SLC4A7: variants seen among roughly 807,000 people sequenced by gnomAD.
SLC4A7 encodes sodium bicarbonate cotransporter 3.
Under a neutral mutation model 137.6 loss-of-function variants are expected in SLC4A7, and 51 were observed. The ratio of observed to expected loss-of-function variants is 0.37; its 90% CI spans 0.30 to 0.47. The LOEUF is 0.47. SLC4A7 is among the 20% of genes least tolerant of loss of function. The pLI, the probability that SLC4A7 is intolerant of heterozygous loss-of-function variation, is 1.00. For missense variants in SLC4A7, 1,247 were observed against 1,525.4 expected (o/e 0.82, Z 3.04); for synonymous variants, 542 against 518.6 (o/e 1.05, Z -0.61).
In SLC4A7 at chr3:27,394,380, T is replaced by C. The variant is rs2051922053; in HGVS notation, c.3117+138A>G. On this transcript the variant is annotated intron_variant, in intron 20 of 25. Coordinates refer to ENST00000454389, the MANE Select transcript of SLC4A7 (RefSeq NM_001321103.2). Reference sequence around the variant, plus strand: ...AATGCTTGCTATACTAAAAACCTAATGAAATTATTTCCCAAGTAAACTGTG... The same window carrying C: ...AATGCTTGCTATACTAAAAACCTAACGAAATTATTTCCCAAGTAAACTGTG... The C allele has an allele frequency of 3.9e-6, 3 of 765,158 alleles. No homozygotes were observed. The Admixed American group carries it at 7.7e-5, about 20-fold the overall frequency. 47.4% of individuals were successfully genotyped at this position (765,158 alleles called of 1,614,324 possible). A position where few individuals can be genotyped will look rare whatever the true frequency, so the allele number is the denominator to read the frequency against.
At chr3:27,434,165 A>G in intron 5 of SLC4A7, 61 bp from the exon 6 acceptor site, 1 of 1,236,904 alleles carries the variant, frequency 8.1e-7, no homozygotes, top group Non-Finnish European at 1.1e-6. Context: ...ATAGGAATAA[A>G]CTGTGAGTGA....
intron 8 of SLC4A7, chr3:27,422,813 CACA>C: frequency 2.2e-6 from 1 of 456,094 alleles, no homozygotes; most frequent in Non-Finnish European, 4.4e-6. Context: ...CCCAGTGTGC[CACA>C]ACTACAGTGC....
At chr3:27,456,547 T>C in intron 1 of SLC4A7, 2 of 816,524 alleles carry the variant, frequency 2.4e-6, no homozygotes, top group East Asian at 4.9e-5. Flanking sequence ...ATGATACTAT[T>C]CTAAGCCAGT....
chr3:27,431,466 G>A lies in SLC4A7; in HGVS notation c.982C>T (p.Leu328=). The change falls in exon 7 of 26, where the codon CTG becomes TTG. Residue 328 remains leucine, a synonymous_variant. Coordinates refer to ENST00000454389, the MANE Select transcript of SLC4A7 (RefSeq NM_001321103.2). ...CTCTCTTGGGAACTTCTGGAGGTCA[G>A]GCGGCTGATGCTAGGGCTAGAAGGA... is the stretch of plus-strand genomic sequence containing the variant. ...SPPSSPSISR[L]TSRSSQESQR... 6.2e-7 allele frequency: 1 copy of A among 1,614,180 alleles called. No individual in the cohort carries two copies. The highest frequency in any genetic ancestry group is 2.2e-5 in the East Asian group (1 of 44,892).
chr3:27,469,530 T>C (rs1393430151), intron 1 of SLC4A7, among the ~76,000 whole-genome samples: 1 of 152,168 alleles, frequency 6.6e-6, no homozygotes, highest in Non-Finnish European at 1.5e-5. Flanking sequence ...ATAAAGGATA[T>C]TATAAAGGAT....
intron 1 of SLC4A7, among the ~76,000 whole-genome samples, chr3:27,467,413 A>G (rs2059054862): frequency 1.3e-5 from 2 of 152,186 alleles, no homozygotes; most frequent in South Asian, 4.1e-4. Flanking sequence ...ATTTTAAAAC[A>G]CTTTACTAGC....
chr3:27,422,783 C>T (rs764280000), intron 8 of SLC4A7: 23 of 455,612 alleles, frequency 5.0e-5, no homozygotes, highest in South Asian at 2.5e-4. Flanking sequence ...GCACTTACAG[C>T]GGGCCTCTTG....
At chr3:27,447,007 C>A (rs1445584377) in intron 3 of SLC4A7, among the ~76,000 whole-genome samples, 1 of 150,810 alleles carries the variant, frequency 6.6e-6, no homozygotes, top group East Asian at 1.9e-4. Flanking sequence ...CTCAGCCTCC[C>A]AAATAGGTGG....
intron 5 of SLC4A7, among the ~76,000 whole-genome samples, chr3:27,434,663 A>T (rs2056596755): frequency 6.6e-6 from 1 of 152,160 alleles, no homozygotes; most frequent in Admixed American, 6.5e-5. Context: ...AGAGGAGTAA[A>T]ATCAGGTTGT....
At chr3:27,475,301 A>T (rs2059419125) in intron 1 of SLC4A7, among the ~76,000 whole-genome samples, 1 of 151,360 alleles carries the variant, frequency 6.6e-6, no homozygotes, top group African/African-American at 2.4e-5. Flanking sequence ...AGGCACATTT[A>T]GCATTTTATA....
intron 1 of SLC4A7, among the ~76,000 whole-genome samples, chr3:27,483,682 A>C (rs2150779049): frequency 6.6e-6 from 1 of 152,280 alleles, no homozygotes; most frequent in East Asian, 1.9e-4. Flanking sequence ...CTCCTGCGCC[A>C]AGGCAACCGG....
chr3:27,401,160 G>C, intron 15 of SLC4A7: 1 of 236,038 alleles, frequency 4.2e-6, no homozygotes, highest in Non-Finnish European at 8.2e-6. Flanking sequence ...ACCATGTTTA[G>C]CAAGATTAGT....
At chr3:27,463,600 C>G (rs1354808700) in intron 1 of SLC4A7, among the ~76,000 whole-genome samples, 1 of 152,070 alleles carries the variant, frequency 6.6e-6, no homozygotes, top group African/African-American at 2.4e-5. Context: ...CCTAGTGAGA[C>G]AGCCAAATAA....
intron 3 of SLC4A7, among the ~76,000 whole-genome samples, chr3:27,443,710 T>C (rs1351512529): frequency 6.6e-6 from 1 of 152,222 alleles, no homozygotes; most frequent in African/African-American, 2.4e-5. Flanking sequence ...TAGTCCTCAC[T>C]CTGCACAGTA....
rs1247920732 is a variant in SLC4A7, at chr3:27,484,189, C to T, written c.-63G>A. On this transcript the variant is annotated 5_prime_UTR_variant, in exon 1 of 26. Transcript: ENST00000454389. ...GCCCCGCGCGGTCTGCCTGCTTCTG[C>T]CGCTGCCCCTGCCGCCGCCGCCGAG... 22 of 1,202,472 alleles carry T rather than the reference C, an allele frequency of 1.8e-5. No homozygotes were observed. Among genetic ancestry groups the T allele is most frequent in the Non-Finnish European group, 2.1e-5 (20 of 957,864 alleles). The allele number at this position is 1,202,472 out of a possible 1,614,324, so 74.5% of individuals were successfully genotyped here.
intron 24 of SLC4A7, among the ~76,000 whole-genome samples, chr3:27,381,639 C>T (rs1469552276): frequency 4.0e-5 from 6 of 151,578 alleles, no homozygotes; most frequent in Non-Finnish European, 7.4e-5. Flanking sequence ...TCAAATGTTA[C>T]TCCTGTAAAA....
At chr3:27,447,039 C>A (rs1024593103) in intron 3 of SLC4A7, among the ~76,000 whole-genome samples, 1 of 150,902 alleles carries the variant, frequency 6.6e-6, no homozygotes, top group African/African-American at 2.4e-5. Flanking sequence ...CCCATCACCA[C>A]AGCCAGCTAA....
At chr3:27,378,807 C>T (rs552302228) in intron 25 of SLC4A7, among the ~76,000 whole-genome samples, 1 of 152,212 alleles carries the variant, frequency 6.6e-6, no homozygotes, top group East Asian at 1.9e-4. Context: ...GTATTTAATC[C>T]CTAATAGTTA....
At chr3:27,459,526 C>T (rs1187800882) in intron 1 of SLC4A7, among the ~76,000 whole-genome samples, 2 of 152,170 alleles carry the variant, frequency 1.3e-5, no homozygotes, top group African/African-American at 4.8e-5. Flanking sequence ...CACACACAAA[C>T]ATCTCATTTG....
Sources: gnomAD v4.1 joint callset for allele counts (sites outside exome capture counted in the v4.1 genomes callset) on GRCh38, gnomAD v4.1.1 for gene constraint, MANE v1.5 for transcripts, NCBI Gene and HGNC (gene_info 2026-07-23, HGNC 2026-07-21) for gene names.